MYSM1: variants seen among roughly 807,000 people sequenced by gnomAD.
The protein encoded by MYSM1 is deubiquitinase MYSM1.
MYSM1 carries 51 observed loss-of-function variants against 116.0 expected under a neutral mutation model. The observed-to-expected ratio is 0.44, with a 90% CI of 0.35 to 0.56. The LOEUF is 0.56. Among genes scored for constraint, MYSM1 ranks in the 20% least tolerant of loss-of-function variants. The probability of loss-of-function intolerance (pLI) is 0.00; values close to 1 mark genes in which losing one functional copy is unlikely to be tolerated. For missense variants in MYSM1, 900 were observed against 974.9 expected, an observed-to-expected ratio of 0.92 and a Z score of 1.02; for synonymous variants, 313 against 315.2, an observed-to-expected ratio of 0.99 and a Z score of 0.07.
intron 9 of MYSM1, chr1:58,676,713 T>A (rs1644658828): frequency 3.0e-6 from 1 of 333,150 alleles, no homozygotes; most frequent in East Asian, 7.8e-5. Flanking sequence ...TATTTTACCT[T>A]TAAAGTTACA....
In MYSM1 at chr1:58,685,150, T is replaced by C. The variant is rs1173344501; in HGVS notation, c.498+3A>G. On this transcript the variant is annotated splice_donor_region_variant and intron_variant, in intron 7 of 19. Coordinates refer to ENST00000472487, the MANE Select transcript of MYSM1 (RefSeq NM_001085487.3). ...TTAACCAGGATACTGATATTCTGCT[T>C]ACCTTATTTTTAAAATACTGTCTTG... 6.3e-7 allele frequency: 1 copy of C among 1,577,850 alleles called. No homozygotes were observed. Among genetic ancestry groups the C allele is most frequent in the East Asian group, 2.3e-5 (1 of 44,330 alleles).
chr1:58,655,090 A>G lies in MYSM1; in HGVS notation c.*4907T>C, dbSNP rs1272512372. The G allele has an allele frequency of 6.6e-6, 1 of 152,224 alleles. No homozygotes were observed. The highest frequency in any genetic ancestry group is 2.4e-5 in the African/African-American group (1 of 41,466). The allele number at this position is 152,224 out of a possible 1,614,324, so 9.4% of individuals were successfully genotyped here. ...TTATCAATAACCATGCCATATGTTT[A>G]GTAACTAACTTACTTATACACAACA... On this transcript the variant is annotated 3_prime_UTR_variant, in exon 20 of 20. Transcript: ENST00000472487.
chr1:58,674,938 A>G (rs1346830051), intron 10 of MYSM1, among the ~76,000 whole-genome samples: 1 of 151,670 alleles, frequency 6.6e-6, no homozygotes, highest in East Asian at 1.9e-4. Context: ...AAAAAAAAAA[A>G]AAAAGAAAAA....
chr1:58,689,731 T>C (rs1013610893), intron 5 of MYSM1: 12 of 153,976 alleles, frequency 7.8e-5, no homozygotes, highest in African/African-American at 2.7e-4. Context: ...TCTTGGGCAA[T>C]TGCAAATACG....
At position 58,663,885 on chromosome 1, in the gene MYSM1, G is replaced by A. The variant is rs149947730; in HGVS notation, c.2164+1614C>T. 4.6e-5 allele frequency among the ~76,000 whole-genome samples: 7 copies of A among 152,160 alleles called. No individual in the cohort carries two copies. In the South Asian group the frequency reaches 8.3e-4, roughly 18 times the overall value. On this transcript the variant is annotated intron_variant, in intron 17 of 19. Coordinates refer to ENST00000472487, the MANE Select transcript of MYSM1 (RefSeq NM_001085487.3). ...GGTTTCTCCTTCTTGTGCCATATCTGAAAACCCTCTTAAGCAGTAAGCTAG... is the reference window on the plus strand; with the variant it reads ...GGTTTCTCCTTCTTGTGCCATATCTAAAAACCCTCTTAAGCAGTAAGCTAG...
chr1:58,682,792 T>G (rs1210808512), intron 7 of MYSM1, among the ~76,000 whole-genome samples: 3 of 151,044 alleles, frequency 2.0e-5, no homozygotes, highest in Non-Finnish European at 4.4e-5. Flanking sequence ...AGCTCCCGGG[T>G]TCATGCCATT....
chr1:58,689,246 C>T (rs1644870508), intron 5 of MYSM1, 130 bp from the exon 6 acceptor site: 4 of 675,698 alleles, frequency 5.9e-6, no homozygotes, highest in Non-Finnish European at 4.8e-6. Context: ...AATAAACAAA[C>T]AAACAAAACA....
Position 58,687,988 on chromosome 1 carries a change from A to G in MYSM1, c.399+1050T>C, listed in dbSNP as rs568123948. On this transcript the variant is annotated intron_variant, in intron 6 of 19. Coordinates refer to ENST00000472487, the MANE Select transcript of MYSM1 (RefSeq NM_001085487.3). ...CCTCACCTCCTCTTTAAGACCTAACATTATGTATCTGGTCTTTGATAAGGG... is the reference window on the plus strand; with the variant it reads ...CCTCACCTCCTCTTTAAGACCTAACGTTATGTATCTGGTCTTTGATAAGGG... Among the ~76,000 whole-genome samples the G allele has an allele frequency of 4.8e-4, 73 of 152,180 alleles. 1 individual carries two copies. Among genetic ancestry groups the G allele is most frequent in the Admixed American group, 3.3e-3 (51 of 15,274 alleles).
At chr1:58,679,613 C>T (rs1046382121) in intron 8 of MYSM1, among the ~76,000 whole-genome samples, 9 of 152,012 alleles carry the variant, frequency 5.9e-5, no homozygotes, top group African/African-American at 9.7e-5. Flanking sequence ...CACACAACAC[C>T]GCGCCTAAGT....
chr1:58,690,386 T>C lies in MYSM1; in HGVS notation c.250A>G (p.Lys84Glu), dbSNP rs1243884423. 6.2e-7 allele frequency: 1 copy of C among 1,603,326 alleles called. No individual in the cohort carries two copies. Among genetic ancestry groups the C allele is most frequent in the Non-Finnish European group, 8.5e-7 (1 of 1,174,460 alleles). The part of the protein sequence containing the change: ...YYLSKKSQPE[K>E]VWLDQKEDDK... ...TCTTCCTTTTGATCAAGCCAGACTT[T>C]TTCCGGTTGTGATTTTTTAGATAAA... is the stretch of plus-strand genomic sequence containing the variant. Residue 84 changes from lysine (K) to glutamate (E), a missense_variant, in exon 4 of 20, where the codon AAA becomes GAA. By Grantham distance (56) the Lys-to-Glu change is moderately conservative (BLOSUM62 1). Coordinates refer to ENST00000472487, the MANE Select transcript of MYSM1 (RefSeq NM_001085487.3).
chr1:58,677,202 A>G (rs1053355486), intron 8 of MYSM1, 146 bp from the exon 9 acceptor site: 45 of 540,194 alleles, frequency 8.3e-5, no homozygotes, highest in Non-Finnish European at 1.3e-4. Context: ...ACTAATACAT[A>G]ATACCCATGT....
At chr1:58,690,835 A>G (rs1206064220) in intron 3 of MYSM1, among the ~76,000 whole-genome samples, 1 of 152,170 alleles carries the variant, frequency 6.6e-6, no homozygotes, top group Non-Finnish European at 1.5e-5. Context: ...GTAATAGGTA[A>G]ACTTGGTTGG....
Position 58,657,371 on chromosome 1 carries a change from T to TG in MYSM1, c.*2625dup, listed in dbSNP as rs2100575868. On this transcript the variant is annotated 3_prime_UTR_variant, in exon 20 of 20. Coordinates refer to ENST00000472487, the MANE Select transcript of MYSM1 (RefSeq NM_001085487.3). The stretch of plus-strand genomic sequence containing the variant: ...TTCTGTAAACATTATTAAAGGCAGG[T>TG]GTTCCTTTGAGACTCTGCCTCCTGA... 6.6e-6 allele frequency: 1 copy of TG among 152,308 alleles called. No homozygotes were observed. Among genetic ancestry groups the TG allele is most frequent in the South Asian group, 2.1e-4 (1 of 4,820 alleles). The allele number at this position is 152,308 out of a possible 1,614,324, so 9.4% of individuals were successfully genotyped here.
chr1:58,683,519 AC>A (rs1239160916), intron 7 of MYSM1, among the ~76,000 whole-genome samples: 1 of 152,218 alleles, frequency 6.6e-6, no homozygotes, highest in Non-Finnish European at 1.5e-5. Context: ...TATCTCCCAT[AC>A]CTGCTACTAC....
chr1:58,699,594 T>C, intron 1 of MYSM1: 1 of 980,148 alleles, frequency 1.0e-6, no homozygotes, highest in Non-Finnish European at 1.2e-6. Flanking sequence ...GTCACACGGC[T>C]AGCAAGCCAT....
intron 2 of MYSM1, among the ~76,000 whole-genome samples, chr1:58,694,153 C>T (rs1346424376): frequency 1.3e-5 from 2 of 150,872 alleles, no homozygotes; most frequent in Admixed American, 6.6e-5. Flanking sequence ...CTCTGGTACT[C>T]TCATTCAGCA....
At chr1:58,694,839 T>C (rs11207294) in intron 2 of MYSM1, among the ~76,000 whole-genome samples, 147 of 151,948 alleles carry the variant, frequency 9.7e-4, no homozygotes, top group Admixed American at 2.4e-3. Flanking sequence ...CACCTACCAC[T>C]TTTTTAGGTG....
chr1:58,696,956 A>G (rs114275080), intron 1 of MYSM1, among the ~76,000 whole-genome samples: 128 of 152,346 alleles, frequency 8.4e-4, no homozygotes, highest in African/African-American at 3.0e-3. Flanking sequence ...TGGATATAAG[A>G]AAGATTACTC....
In MYSM1 at chr1:58,673,573, C is replaced by T; in HGVS notation, c.1572G>A (p.Glu524=). 1 of 1,613,636 alleles carries T rather than the reference C, an allele frequency of 6.2e-7. No individual in the cohort carries two copies. The highest frequency in any genetic ancestry group is 1.3e-5 in the African/African-American group (1 of 75,010). Residue 524 remains glutamate, a splice_region_variant and synonymous_variant, in exon 11 of 20, where the codon GAG becomes GAA. Transcript: ENST00000472487. ...GAGCCATTTGAAAGGTCAAAGTTACCTCAAACGTTTGTCCTTCTAAGTCCT... is the reference window on the plus strand; with the variant it reads ...GAGCCATTTGAAAGGTCAAAGTTACTTCAAACGTTTGTCCTTCTAAGTCCT... ...DAKDLEGQTF[E]HLSAEELAKR...
Sources: allele counts gnomAD v4.1 joint callset (sites outside exome capture counted in the v4.1 genomes callset), GRCh38; gene constraint gnomAD v4.1.1; transcripts MANE v1.5; gene names NCBI Gene and HGNC (gene_info 2026-07-23, HGNC 2026-07-21).